The following ITPK1 variants were observed in gnomAD, a reference collection of about 807,000 sequenced individuals.
The protein encoded by ITPK1 is inositol-tetrakisphosphate 1-kinase.
ITPK1 carries 21 observed loss-of-function variants against 45.3 expected under a neutral mutation model. The observed-to-expected ratio is 0.46, with a 90% confidence interval of 0.33 to 0.67. The LOEUF (loss-of-function observed/expected upper bound fraction) is 0.67, where lower values mean the gene tolerates loss of function less well. Ranked by LOEUF, ITPK1 falls within the 30% of genes least tolerant of loss-of-function variation. The pLI is 0.02. For synonymous variants in ITPK1, 258 were observed against 253.6 expected (o/e 1.02, Z -0.16); for missense variants, 474 against 573.5 (o/e 0.83, Z 1.77).
chr14:93,090,164 C>A (rs917496731), intron 2 of ITPK1, among the ~76,000 whole-genome samples: 3 of 151,950 alleles, frequency 2.0e-5, no homozygotes, highest in African/African-American at 7.3e-5. Flanking sequence ...AGCAGGTGCA[C>A]ACCTCCTCAC....
intron 4 of ITPK1, among the ~76,000 whole-genome samples, chr14:92,996,134 C>A (rs1410381139): frequency 3.9e-5 from 6 of 152,200 alleles, no homozygotes; most frequent in African/African-American, 1.4e-4. Flanking sequence ...CTAGTCCCAG[C>A]TCCTTGGGAG....
At chr14:93,019,757 C>G (rs986028075) in intron 3 of ITPK1, among the ~76,000 whole-genome samples, 2 of 152,134 alleles carry the variant, frequency 1.3e-5, no homozygotes, top group African/African-American at 4.8e-5. Flanking sequence ...GGAGAAAGGG[C>G]CCAGCTCCTG....
Position 92,946,366 on chromosome 14 carries a change from C to A in ITPK1, c.866G>T (p.Gly289Val). 1 of 1,613,470 alleles carries A rather than the reference C, an allele frequency of 6.2e-7. No homozygotes were observed. The highest frequency in any genetic ancestry group is 8.5e-7 in the Non-Finnish European group (1 of 1,180,012). The stretch of plus-strand genomic sequence containing the variant: ...ATTGATGTCAATGACGGCGTGCTGC[C>A]CTGTCTGGTTGTTGATGATGATGTC... ...GIDIIINNQT[G>V]QHAVIDINAF... The change falls in exon 10 of 11, where the codon GGG becomes GTG. Residue 289 changes from glycine to valine, a missense_variant. Transcript: ENST00000267615.
intron 2 of ITPK1, among the ~76,000 whole-genome samples, chr14:93,096,479 G>C (rs182735489): frequency 6.6e-6 from 1 of 152,232 alleles, no homozygotes; most frequent in African/African-American, 2.4e-5. Context: ...CATGCACCAC[G>C]AGGCCTGGCA....
At chr14:92,985,773 C>T (rs1380521096) in intron 5 of ITPK1, among the ~76,000 whole-genome samples, 1 of 152,020 alleles carries the variant, frequency 6.6e-6, no homozygotes, top group Admixed American at 6.6e-5. Flanking sequence ...ACACAGGACT[C>T]ACAGGGTCAC....
At chr14:93,069,387 CT>C (rs1372241479) in intron 3 of ITPK1, 3 of 154,508 alleles carry the variant, frequency 1.9e-5, no homozygotes, top group Non-Finnish European at 2.9e-5. Context: ...GGGCTGTAGC[CT>C]TTCCAAGCCA....
chr14:93,015,341 T>C (rs1326624595), intron 4 of ITPK1, among the ~76,000 whole-genome samples: 1 of 151,954 alleles, frequency 6.6e-6, no homozygotes, highest in Non-Finnish European at 1.5e-5. Flanking sequence ...CATGGGTGAG[T>C]GCTGATCAGC....
intron 3 of ITPK1, among the ~76,000 whole-genome samples, chr14:93,046,601 G>A (rs1367739747): frequency 6.8e-6 from 1 of 146,812 alleles, no homozygotes; most frequent in African/African-American, 2.5e-5. Context: ...GGGCGGGGGG[G>A]GGCGGCGGGG....
At chr14:92,951,906 G>A (rs1238268456) in intron 9 of ITPK1, 40 bp downstream of exon 9, 9 of 1,508,080 alleles carry the variant, frequency 6.0e-6, no homozygotes, top group Middle Eastern at 1.7e-4. Context: ...GCCCACGGGA[G>A]GGCAGTTTCA....
chr14:92,959,106 C>A (rs1281061271), intron 7 of ITPK1, among the ~76,000 whole-genome samples: 1 of 152,188 alleles, frequency 6.6e-6, no homozygotes, highest in Non-Finnish European at 1.5e-5. Flanking sequence ...GAAAAAGGTC[C>A]CTGACAGGAG....
At chr14:93,079,819 T>A (rs1266545925) in intron 2 of ITPK1, among the ~76,000 whole-genome samples, 1 of 152,150 alleles carries the variant, frequency 6.6e-6, no homozygotes, top group Non-Finnish European at 1.5e-5. Flanking sequence ...GGAAGGGACA[T>A]GGGAGACAGG....
intron 3 of ITPK1, among the ~76,000 whole-genome samples, chr14:93,044,707 C>G (rs907136851): frequency 6.6e-6 from 1 of 152,176 alleles, no homozygotes; most frequent in African/African-American, 2.4e-5. Context: ...GCCCAGCGGA[C>G]AGCAACACGG....
chr14:93,104,504 A>G (rs1892446558), intron 2 of ITPK1, among the ~76,000 whole-genome samples: 1 of 151,890 alleles, frequency 6.6e-6, no homozygotes, highest in African/African-American at 2.4e-5. Flanking sequence ...CCTGACATCG[A>G]TCGACGGCAG....
intron 3 of ITPK1, among the ~76,000 whole-genome samples, chr14:93,025,121 A>C (rs1228491024): frequency 6.6e-6 from 1 of 152,172 alleles, no homozygotes; most frequent in Non-Finnish European, 1.5e-5. Context: ...TGGGTCAGGA[A>C]GCGAGAACCT....
At chr14:93,077,466 C>T (rs1273941982) in intron 2 of ITPK1, among the ~76,000 whole-genome samples, 7 of 152,254 alleles carry the variant, frequency 4.6e-5, no homozygotes, top group East Asian at 1.9e-4. Flanking sequence ...TACAGGCACC[C>T]ACCACCACGC....
intron 3 of ITPK1, among the ~76,000 whole-genome samples, chr14:93,019,251 C>G (rs1441495270): frequency 6.6e-6 from 1 of 152,228 alleles, no homozygotes; most frequent in Non-Finnish European, 1.5e-5. Context: ...CATCTCCAGA[C>G]AGCCCTCCAG....
rs546934995 is a variant in ITPK1 at position 93,110,100 on chromosome 14, G to A, written c.95+4969C>T. Among the ~76,000 whole-genome samples, 5 of 152,240 alleles carry A rather than the reference G, an allele frequency of 3.3e-5. No homozygotes were observed. The East Asian group carries it at 7.7e-4, about 24-fold the overall frequency. On this transcript the variant is annotated intron_variant, in intron 2 of 10. Coordinates refer to ENST00000267615, the MANE Select transcript of ITPK1 (RefSeq NM_014216.6). ...GGCACAGAGGGGTAGGGAATGTGTC[G>A]AGGGTCATGGGGCACATAGGCAGTC...
Position 93,076,687 on chromosome 14 carries a change from C to G in ITPK1, c.96-68G>C, listed in dbSNP as rs540595614. 6.3e-7 allele frequency: 1 copy of G among 1,599,594 alleles called. No homozygotes were observed. Among genetic ancestry groups the G allele is most frequent in the African/African-American group, 1.3e-5 (1 of 74,580 alleles). ...TGGACACGTCCTTTCCGAAGGTTCC[C>G]GACAGCCGGCTGAGGGCAGGACCAT... On this transcript the variant is annotated intron_variant, in intron 2 of 10. Coordinates refer to ENST00000267615, the MANE Select transcript of ITPK1 (RefSeq NM_014216.6). The surrounding 1 kb of genome is among the most constrained non-coding windows in gnomAD (Gnocchi z 4.3).
At chr14:92,975,483 C>G (rs1198990221) in intron 5 of ITPK1, among the ~76,000 whole-genome samples, 2 of 152,294 alleles carry the variant, frequency 1.3e-5, no homozygotes, top group African/African-American at 4.8e-5. Context: ...GAGCCTAGAA[C>G]ACAGCAGGCC....
Sources: gnomAD v4.1 joint callset for allele counts (sites outside exome capture counted in the v4.1 genomes callset) on GRCh38, gnomAD v4.1.1 for gene constraint, Gnocchi (gnomAD v3.1) non-coding constraint, MANE v1.5 for transcripts, NCBI Gene and HGNC (gene_info 2026-07-23, HGNC 2026-07-21) for gene names.